The following TTC1 variants were observed in gnomAD, a reference collection of about 807,000 sequenced individuals.
TTC1 encodes the protein tetratricopeptide repeat domain 1, also known as tetratricopeptide repeat protein 1.
A neutral mutation model predicts 37.6 loss-of-function variants in TTC1; 31 were observed. The ratio of observed to expected loss-of-function variants is 0.82; its 90% confidence interval spans 0.62 to 1.11. The LOEUF is 1.11. Ranked by LOEUF, TTC1 falls within the 50% of genes most tolerant of loss-of-function variation. The probability of loss-of-function intolerance (pLI) is 0.00; values close to 1 mark genes in which losing one functional copy is unlikely to be tolerated. For missense variants in TTC1, 351 were observed against 339.0 expected, an observed-to-expected ratio of 1.04 and a Z score of -0.28; for synonymous variants, 127 against 122.4, an observed-to-expected ratio of 1.04 and a Z score of -0.25.
intron 4 of TTC1, among the ~76,000 whole-genome samples, chr5:160,041,698 G>A (rs904735916): frequency 1.3e-4 from 20 of 152,228 alleles, no homozygotes; most frequent in African/African-American, 4.8e-4. Context: ...GTTATGCCAT[G>A]ATGTTATGAC....
intron 2 of TTC1, among the ~76,000 whole-genome samples, chr5:160,016,744 A>C (rs1294459059): frequency 6.6e-6 from 1 of 152,236 alleles, no homozygotes; most frequent in Non-Finnish European, 1.5e-5. Flanking sequence ...AAAGCACATG[A>C]AGCTGACCCC....
chr5:160,019,759 A>AT (rs1306008025), intron 2 of TTC1, among the ~76,000 whole-genome samples: 1 of 150,520 alleles, frequency 6.6e-6, no homozygotes, highest in African/African-American at 2.4e-5. Flanking sequence ...TAATTTTTGT[A>AT]TTTTTACTAG....
intron 5 of TTC1, among the ~76,000 whole-genome samples, chr5:160,043,685 T>G (rs1333006964): frequency 6.6e-6 from 1 of 152,242 alleles, no homozygotes; most frequent in Non-Finnish European, 1.5e-5. Context: ...CTGTTGAGAT[T>G]CAAAGTGAAG....
chr5:160,029,739 A>C (rs1347612240), intron 2 of TTC1, among the ~76,000 whole-genome samples: 1 of 152,234 alleles, frequency 6.6e-6, no homozygotes, highest in Non-Finnish European at 1.5e-5. Flanking sequence ...TAGGCAAAGT[A>C]CAGAATACTA....
intron 2 of TTC1, among the ~76,000 whole-genome samples, chr5:160,013,363 CT>C (rs760827700): frequency 2.6e-5 from 4 of 151,562 alleles, no homozygotes; most frequent in Non-Finnish European, 5.9e-5. Context: ...ATATTTGAAT[CT>C]TTTAAAATAA....
chr5:160,020,100 T>C (rs1211368348), intron 2 of TTC1, among the ~76,000 whole-genome samples: 1 of 152,024 alleles, frequency 6.6e-6, no homozygotes. Flanking sequence ...AGCTAATTTT[T>C]GTATTTTTAG....
intron 2 of TTC1, among the ~76,000 whole-genome samples, chr5:160,021,691 G>A (rs1454627870): frequency 1.3e-5 from 2 of 152,170 alleles, no homozygotes; most frequent in Non-Finnish European, 2.9e-5. Flanking sequence ...TGTAAAGCAA[G>A]TGATATCTGA....
chr5:160,009,974 G>A (rs1044108204), intron 1 of TTC1, among the ~76,000 whole-genome samples: 5 of 152,214 alleles, frequency 3.3e-5, no homozygotes, highest in Non-Finnish European at 7.3e-5. Flanking sequence ...ATTCTGAATG[G>A]AGATTAGGGC....
intron 3 of TTC1, among the ~76,000 whole-genome samples, chr5:160,035,952 G>GGTT: frequency 7.1e-6 from 1 of 141,368 alleles, no homozygotes; most frequent in East Asian, 2.0e-4. Context: ...AGATTTTAGG[G>GGTT]TTTTTTTTTT....
intron 2 of TTC1, among the ~76,000 whole-genome samples, chr5:160,012,368 ATT>A (rs540919125): frequency 1.4e-5 from 2 of 144,960 alleles, no homozygotes; most frequent in Non-Finnish European, 1.5e-5. Context: ...TACTTTTATG[ATT>A]TTTTTTTTTT....
At position 160,057,922 on chromosome 5, in the gene TTC1, CA is replaced by C. The variant is rs1165685441; in HGVS notation, c.745+6740del. ...AGCTGGGATTACAGGTGTATGCCAC[CA>C]CACCCAGCTAATTTTTCTATTTTTG... On this transcript the variant is annotated intron_variant, in intron 7 of 7. Transcript: ENST00000231238. This position sits in a 1 kb window ranked among gnomAD's most constrained non-coding sequence, Gnocchi z 4.4. Among the ~76,000 whole-genome samples the C allele has an allele frequency of 1.3e-5, 2 of 152,124 alleles. No homozygotes were observed. The highest frequency in any genetic ancestry group is 4.8e-5 in the African/African-American group (2 of 41,424).
chr5:160,018,489 G>T (rs1218259789), intron 2 of TTC1, among the ~76,000 whole-genome samples: 1 of 152,124 alleles, frequency 6.6e-6, no homozygotes, highest in Non-Finnish European at 1.5e-5. Context: ...GAGAGCAGTT[G>T]AATAAAGCCC....
chr5:160,056,416 A>T (rs948179275), intron 7 of TTC1, among the ~76,000 whole-genome samples: 4 of 152,344 alleles, frequency 2.6e-5, no homozygotes, highest in Non-Finnish European at 4.4e-5. Context: ...TAAGAATACC[A>T]TCTGGAGCTT....
intron 4 of TTC1, among the ~76,000 whole-genome samples, chr5:160,037,329 G>A (rs774453497): frequency 3.0e-4 from 46 of 152,180 alleles, no homozygotes; most frequent in Non-Finnish European, 5.7e-4. Context: ...AAAACATTTT[G>A]TATTTCCAAA....
chr5:160,009,971 A>G (rs781712772), intron 1 of TTC1, among the ~76,000 whole-genome samples: 1 of 152,218 alleles, frequency 6.6e-6, no homozygotes, highest in Non-Finnish European at 1.5e-5. Context: ...TTCATTCTGA[A>G]TGGAGATTAG....
At position 160,043,861 on chromosome 5, in the gene TTC1, A is replaced by T. The variant is rs537214434; in HGVS notation, c.541+692A>T. 5.9e-5 allele frequency among the ~76,000 whole-genome samples: 9 copies of T among 152,328 alleles called. No homozygotes were observed. The South Asian group carries it at 1.9e-3, about 32-fold the overall frequency. ...TAACCCTTTCAGATTCTACACAATG[A>T]ATCAAGCCTTTGCTATATGATATCT... On this transcript the variant is annotated intron_variant, in intron 5 of 7. Coordinates refer to ENST00000231238, the MANE Select transcript of TTC1 (RefSeq NM_003314.3).
chr5:160,043,443 G>GA (rs1451748841), intron 5 of TTC1, among the ~76,000 whole-genome samples: 3 of 152,082 alleles, frequency 2.0e-5, no homozygotes, highest in African/African-American at 7.2e-5. Flanking sequence ...CCAAAAATAC[G>GA]AAAGTTAGGC....
intron 7 of TTC1, among the ~76,000 whole-genome samples, chr5:160,053,497 G>A (rs753805963): frequency 2.6e-5 from 4 of 152,110 alleles, no homozygotes; most frequent in African/African-American, 4.8e-5. Flanking sequence ...CCAGGAGATC[G>A]AGACTTCAGT....
At chr5:160,024,056 C>CT (rs149265050) in intron 2 of TTC1, 61,010 of 1,169,186 alleles carry the variant, frequency 0.052, 1,961 homozygotes, top group Non-Finnish European at 0.062. Flanking sequence ...TCAATATACT[C>CT]TGGTTAGCAT....
Sources: allele counts gnomAD v4.1 joint callset (sites outside exome capture counted in the v4.1 genomes callset), GRCh38; gene constraint gnomAD v4.1.1; non-coding constraint Gnocchi (gnomAD v3.1); transcripts MANE v1.5; gene names NCBI Gene and HGNC (gene_info 2026-07-23, HGNC 2026-07-21).